The following SGCZ variants were observed in gnomAD, a reference collection of about 807,000 sequenced individuals.
SGCZ encodes the protein sarcoglycan zeta.
A neutral mutation model predicts 41.3 loss-of-function variants in SGCZ; 40 were observed. That is an observed-to-expected ratio of 0.97 (90% CI 0.75 to 1.26). The LOEUF (loss-of-function observed/expected upper bound fraction) is 1.26, where lower values mean the gene tolerates loss of function less well. Ranked by LOEUF, SGCZ falls within the 50% of genes most tolerant of loss-of-function variation. SGCZ has a pLI of 0.00. For missense variants in SGCZ, 552 were observed against 369.8 expected, an observed-to-expected ratio of 1.49 and a Z score of -4.04; for synonymous variants, 206 against 137.5, an observed-to-expected ratio of 1.50 and a Z score of -3.49.
chr8:14,107,672 T>A (rs1802248239), intron 6 of SGCZ, among the ~76,000 whole-genome samples: 1 of 152,188 alleles, frequency 6.6e-6, no homozygotes, highest in East Asian at 1.9e-4. Context: ...GGGGTCTTGC[T>A]GTGTTGCCCA....
chr8:14,692,945 C>T (rs1808845211), intron 1 of SGCZ, among the ~76,000 whole-genome samples: 1 of 152,162 alleles, frequency 6.6e-6, no homozygotes, highest in Admixed American at 6.5e-5. Context: ...GATTGGCTTT[C>T]ACCCAAAAGT....
intron 1 of SGCZ, among the ~76,000 whole-genome samples, chr8:15,076,212 G>T (rs1046581172): frequency 6.6e-6 from 1 of 151,946 alleles, no homozygotes; most frequent in Non-Finnish European, 1.5e-5. Context: ...CTATTTTTTG[G>T]CCAGTCTCAG....
intron 2 of SGCZ, among the ~76,000 whole-genome samples, chr8:14,336,481 C>G (rs1802511520): frequency 6.6e-6 from 1 of 152,116 alleles, no homozygotes; most frequent in South Asian, 2.1e-4. Context: ...GATCTAATGA[C>G]AGTCCTGTTT....
intron 1 of SGCZ, among the ~76,000 whole-genome samples, chr8:14,929,452 T>C (rs1487891608): frequency 6.6e-6 from 1 of 150,578 alleles, no homozygotes; most frequent in African/African-American, 2.5e-5. Context: ...TAGGAAAGTA[T>C]CTTACCGAAT....
intron 1 of SGCZ, among the ~76,000 whole-genome samples, chr8:14,661,273 T>C (rs1230143173): frequency 6.6e-6 from 1 of 152,142 alleles, no homozygotes; most frequent in Non-Finnish European, 1.5e-5. Context: ...TATTAAGCGA[T>C]AAGCAAGAAT....
chr8:14,114,281 C>T (rs796631201), intron 5 of SGCZ, among the ~76,000 whole-genome samples: 18 of 152,142 alleles, frequency 1.2e-4, no homozygotes, highest in African/African-American at 3.8e-4. Flanking sequence ...GTTTCTGTTT[C>T]CTAGTGTATC....
chr8:14,331,346 A>G (rs1802313688), intron 2 of SGCZ, among the ~76,000 whole-genome samples: 2 of 152,244 alleles, frequency 1.3e-5, no homozygotes, highest in Admixed American at 6.5e-5. Context: ...GTTCTCTTTA[A>G]TATACCTAAG....
chr8:14,282,148 A>C (rs1800467421), intron 3 of SGCZ, among the ~76,000 whole-genome samples: 1 of 152,164 alleles, frequency 6.6e-6, no homozygotes. Flanking sequence ...AAATCAAAGA[A>C]AACTTTTTAT....
chr8:14,892,974 C>G (rs1396491129), intron 1 of SGCZ, among the ~76,000 whole-genome samples: 1 of 152,164 alleles, frequency 6.6e-6, no homozygotes, highest in African/African-American at 2.4e-5. Flanking sequence ...TGTAGTTATT[C>G]TTCCATACAG....
chr8:14,497,328 G>A (rs1191447574), intron 2 of SGCZ, among the ~76,000 whole-genome samples: 1 of 152,108 alleles, frequency 6.6e-6, no homozygotes, highest in Non-Finnish European at 1.5e-5. Context: ...CAGAGAGGGA[G>A]CAAGAGAAAG....
intron 1 of SGCZ, among the ~76,000 whole-genome samples, chr8:14,827,297 C>A (rs1456051580): frequency 6.9e-6 from 1 of 144,816 alleles, no homozygotes; most frequent in African/African-American, 2.6e-5. Flanking sequence ...AGGGCAGTGA[C>A]GCCATCTCAG....
chr8:14,182,058 C>G (rs1260176450), intron 4 of SGCZ, among the ~76,000 whole-genome samples: 3 of 152,164 alleles, frequency 2.0e-5, no homozygotes, highest in Non-Finnish European at 4.4e-5. Flanking sequence ...CCTTTGCATG[C>G]TGCTATGTAT....
chr8:14,505,126 G>T (rs948550718), intron 2 of SGCZ, among the ~76,000 whole-genome samples: 3 of 152,024 alleles, frequency 2.0e-5, no homozygotes, highest in African/African-American at 7.3e-5. Context: ...TCCAGCCTGG[G>T]TGTTATAGTG....
chr8:15,043,607 A>G (rs1461218961), intron 1 of SGCZ, among the ~76,000 whole-genome samples: 1 of 152,156 alleles, frequency 6.6e-6, no homozygotes, highest in Non-Finnish European at 1.5e-5. Flanking sequence ...GTATAAAATA[A>G]CATTAAAATA....
chr8:14,606,218 C>T (rs370147442), intron 1 of SGCZ, among the ~76,000 whole-genome samples: 8 of 152,218 alleles, frequency 5.3e-5, no homozygotes, highest in African/African-American at 1.9e-4. Flanking sequence ...CCAATCCATT[C>T]CTTATCTTAC....
At chr8:15,090,365 A>C (rs1806113531) in intron 1 of SGCZ, among the ~76,000 whole-genome samples, 1 of 152,204 alleles carries the variant, frequency 6.6e-6, no homozygotes, top group Admixed American at 6.5e-5. Context: ...TCTGAGCCTA[A>C]TACCTATGCA....
At chr8:14,408,517 A>T (rs1481637652) in intron 2 of SGCZ, among the ~76,000 whole-genome samples, 1 of 152,042 alleles carries the variant, frequency 6.6e-6, no homozygotes, top group Non-Finnish European at 1.5e-5. Flanking sequence ...TGAACTGCAC[A>T]CATCTTCTGG....
chr8:14,565,337 G>T (rs1360822823), intron 1 of SGCZ, among the ~76,000 whole-genome samples: 2 of 151,168 alleles, frequency 1.3e-5, no homozygotes. Flanking sequence ...CATTTATTTA[G>T]GCACAGGTTT....
Position 14,354,765 on chromosome 8 carries a change from A to T in SGCZ, c.235-30561T>A, listed in dbSNP as rs1238269901. 2.6e-5 allele frequency among the ~76,000 whole-genome samples: 4 copies of T among 151,914 alleles called. No homozygotes were observed. In the East Asian group the frequency reaches 7.7e-4, roughly 29 times the overall value. ...TTTCTAAAAAATACTTGCTGTGAAC[A>T]TCTAAAGCTAAAAAACATGACTTTA... On this transcript the variant is annotated intron_variant, in intron 2 of 7. Transcript: ENST00000382080.
Sources: gnomAD v4.1 joint callset for allele counts (sites outside exome capture counted in the v4.1 genomes callset) on GRCh38, gnomAD v4.1.1 for gene constraint, MANE v1.5 for transcripts, NCBI Gene and HGNC (gene_info 2026-07-23, HGNC 2026-07-21) for gene names.